Variants in NBAS observed in about 807,000 individuals in gnomAD.
NBAS encodes NAG/BC035112 fusion.
A neutral mutation model predicts 302.5 loss-of-function variants in NBAS; 219 were observed. The ratio of observed to expected loss-of-function variants is 0.72; its 90% CI spans 0.65 to 0.81. NBAS has a LOEUF of 0.81. NBAS is among the 30% of genes least tolerant of loss of function. NBAS has a pLI of 0.00. For synonymous variants in NBAS, 1,118 were observed against 1,021.6 expected (o/e 1.09, Z -1.80); for missense variants, 2,932 against 2,841.6 (o/e 1.03, Z -0.72).
At chr2:15,487,226 T>C (rs1680667564) in intron 12 of NBAS, among the ~76,000 whole-genome samples, 1 of 152,236 alleles carries the variant, frequency 6.6e-6, no homozygotes, top group Non-Finnish European at 1.5e-5. Flanking sequence ...AACAGCTGAA[T>C]ACTTTATCAT....
chr2:15,073,537 T>C, the NBAS span, among the ~76,000 whole-genome samples: 1 of 151,998 alleles, frequency 6.6e-6, no homozygotes. Context: ...TCTGTTTCTA[T>C]TTTTTGGCTG....
chr2:15,351,866 G>C, intron 35 of NBAS, 126 bp downstream of exon 35: 1 of 674,354 alleles, frequency 1.5e-6, no homozygotes, highest in Non-Finnish European at 2.6e-6. Context: ...AAAGTGGTCT[G>C]CATGCACACA....
chr2:15,367,539 C>T (rs1674272047), intron 31 of NBAS, among the ~76,000 whole-genome samples: 1 of 152,164 alleles, frequency 6.6e-6, no homozygotes, highest in Non-Finnish European at 1.5e-5. Context: ...CTATTATCCT[C>T]AAGAGAAGAA....
chr2:15,537,591 C>G (rs972893084), intron 7 of NBAS, among the ~76,000 whole-genome samples: 2 of 152,106 alleles, frequency 1.3e-5, no homozygotes, highest in African/African-American at 4.8e-5. Flanking sequence ...CCAGCCTGGA[C>G]AGCAAAGCAA....
chr2:15,384,906 C>T (rs1675214074), intron 28 of NBAS, among the ~76,000 whole-genome samples: 1 of 152,120 alleles, frequency 6.6e-6, no homozygotes, highest in Admixed American at 6.5e-5. Flanking sequence ...AAACACTATG[C>T]ATTAAAAACA....
chr2:15,217,362 C>T (rs1217012141), intron 48 of NBAS, among the ~76,000 whole-genome samples: 1 of 152,136 alleles, frequency 6.6e-6, no homozygotes, highest in Non-Finnish European at 1.5e-5. Flanking sequence ...ATAGTATTGA[C>T]CTCTTCATCT....
chr2:15,156,412 G>C, the NBAS span, among the ~76,000 whole-genome samples: 1 of 152,146 alleles, frequency 6.6e-6, no homozygotes, highest in Non-Finnish European at 1.5e-5. Flanking sequence ...TGTTCAGGCT[G>C]CCATAACAAA....
chr2:14,969,222 G>A, the NBAS span, among the ~76,000 whole-genome samples: 1 of 152,146 alleles, frequency 6.6e-6, no homozygotes, highest in South Asian at 2.1e-4. Context: ...GTGAATGCTT[G>A]TTAGGTATGG....
intron 10 of NBAS, among the ~76,000 whole-genome samples, chr2:15,504,757 A>C (rs575210031): frequency 6.6e-6 from 1 of 152,340 alleles, no homozygotes; most frequent in Non-Finnish European, 1.5e-5. Flanking sequence ...CTCATACACT[A>C]TTGATGGGAA....
the NBAS span, among the ~76,000 whole-genome samples, chr2:14,836,344 G>A: frequency 1.3e-5 from 2 of 151,506 alleles, no homozygotes; most frequent in Non-Finnish European, 3.0e-5. Flanking sequence ...TTGTGTCTAG[G>A]TTTTTTTAAA....
chr2:15,035,159 G>T, the NBAS span, among the ~76,000 whole-genome samples: 673 of 145,038 alleles, frequency 4.6e-3, 3 homozygotes, highest in Non-Finnish European at 7.9e-3. Context: ...AAACAATGCT[G>T]CAGTGAAAAC....
chr2:15,281,053 A>G (rs1169048764), intron 42 of NBAS, among the ~76,000 whole-genome samples: 3 of 152,224 alleles, frequency 2.0e-5, no homozygotes, highest in Non-Finnish European at 2.9e-5. Context: ...TAACTTTTCA[A>G]GAACACCCAG....
the NBAS span, among the ~76,000 whole-genome samples, chr2:15,021,414 C>T: frequency 2.0e-5 from 3 of 152,102 alleles, no homozygotes; most frequent in East Asian, 1.9e-4. Context: ...CCAGAACCCG[C>T]CACTGAGGAG....
the NBAS span, among the ~76,000 whole-genome samples, chr2:15,058,281 G>A: frequency 1.3e-5 from 2 of 152,160 alleles, no homozygotes; most frequent in Non-Finnish European, 2.9e-5. Flanking sequence ...GGGGAGAGGA[G>A]TGTTACTGGC....
the NBAS span, among the ~76,000 whole-genome samples, chr2:15,161,425 T>C: frequency 1.5e-4 from 23 of 152,148 alleles, no homozygotes; most frequent in African/African-American, 5.1e-4. Flanking sequence ...TCCTGTCTCC[T>C]AGGAGAAAGT....
the NBAS span, among the ~76,000 whole-genome samples, chr2:14,875,279 C>T: frequency 6.6e-6 from 1 of 152,100 alleles, no homozygotes; most frequent in Non-Finnish European, 1.5e-5. Context: ...TACTCTTACA[C>T]AACAAATGAG....
the NBAS span, among the ~76,000 whole-genome samples, chr2:15,136,179 C>T: frequency 1.3e-5 from 2 of 152,176 alleles, no homozygotes; most frequent in African/African-American, 4.8e-5. Flanking sequence ...TCTATATAGC[C>T]TATTTTTCCA....
intron 39 of NBAS, among the ~76,000 whole-genome samples, chr2:15,308,954 G>C (rs1671152806): frequency 5.9e-5 from 9 of 152,008 alleles, no homozygotes; most frequent in Admixed American, 5.9e-4. Flanking sequence ...CACCAGCATG[G>C]CACATGTATA....
chr2:15,330,796 A>G (rs1428190852), intron 35 of NBAS, 31 bp from the exon 36 acceptor site: 1 of 1,609,674 alleles, frequency 6.2e-7, no homozygotes, highest in Non-Finnish European at 8.5e-7. Flanking sequence ...AGCAAGGGCA[A>G]AAATGCATTA....
Sources: allele counts gnomAD v4.1 joint callset (sites outside exome capture counted in the v4.1 genomes callset), GRCh38; gene constraint gnomAD v4.1.1; transcripts MANE v1.5; gene names NCBI Gene and HGNC (gene_info 2026-07-23, HGNC 2026-07-21).